Variants in UST observed in about 807,000 individuals in gnomAD.
The protein encoded by UST is chondroitin sulfate 2-O-sulfotransferase.
UST carries 21 observed loss-of-function variants against 45.6 expected under a neutral mutation model. The ratio of observed to expected loss-of-function variants is 0.46; its 90% CI spans 0.33 to 0.66. UST has a LOEUF of 0.66. UST is among the 30% of genes least tolerant of loss of function. UST has a pLI of 0.02. For synonymous variants in UST, 215 were observed against 200.6 expected (o/e 1.07, Z -0.61); for missense variants, 463 against 512.4 (o/e 0.90, Z 0.93).
At chr6:149,052,937 G>A (rs545791188) in intron 7 of UST, among the ~76,000 whole-genome samples, 47 of 152,200 alleles carry the variant, frequency 3.1e-4, no homozygotes, top group Non-Finnish European at 5.3e-4. Flanking sequence ...TTAATGAATC[G>A]GAGAGTGGAA....
intron 1 of UST, among the ~76,000 whole-genome samples, chr6:148,777,401 T>C (rs964390733): frequency 6.6e-6 from 1 of 152,252 alleles, no homozygotes. Flanking sequence ...AGATTCGTTT[T>C]GCTAAAGCAC....
In UST at chr6:148,863,431, G is replaced by C. The variant is rs572897352; in HGVS notation, c.248-23555G>C. Among the ~76,000 whole-genome samples the C allele has an allele frequency of 4.6e-5, 7 of 152,110 alleles. No individual in the cohort carries two copies. In the East Asian group the frequency reaches 1.3e-3, roughly 29 times the overall value. On this transcript the variant is annotated intron_variant, in intron 1 of 7. Transcript: ENST00000367463. ...TTTTCAAGGTTTTTAGCTTCTTTGC[G>C]ATGGGTTCGAGCATCCTCCTTTAGC... is the stretch of plus-strand genomic sequence containing the variant.
chr6:148,836,490 T>G (rs1777787132), intron 1 of UST, among the ~76,000 whole-genome samples: 2 of 152,212 alleles, frequency 1.3e-5, no homozygotes, highest in Admixed American at 1.3e-4. Context: ...TTGAACTGAT[T>G]CCAGCGTTCA....
At chr6:148,973,125 A>C (rs1780951971) in intron 5 of UST, among the ~76,000 whole-genome samples, 1 of 152,206 alleles carries the variant, frequency 6.6e-6, no homozygotes, top group South Asian at 2.1e-4. Flanking sequence ...GCATATGCAA[A>C]TAAATGTCAT....
intron 1 of UST, among the ~76,000 whole-genome samples, chr6:148,839,400 C>T (rs1026540552): frequency 6.6e-5 from 10 of 152,178 alleles, no homozygotes; most frequent in African/African-American, 2.4e-4. Context: ...TAAAGCCAAC[C>T]TCTCTGCTCA....
At chr6:148,749,151 G>A (rs1775942069) in intron 1 of UST, among the ~76,000 whole-genome samples, 2 of 152,180 alleles carry the variant, frequency 1.3e-5, no homozygotes, top group South Asian at 4.1e-4. Context: ...GATTTCCATA[G>A]CATTTGGTTT....
intron 1 of UST, among the ~76,000 whole-genome samples, chr6:148,799,455 G>A (rs943766381): frequency 1.3e-5 from 2 of 152,182 alleles, no homozygotes; most frequent in South Asian, 2.1e-4. Context: ...CTAGCTGGAA[G>A]CATTGATAAG....
chr6:148,859,502 A>T (rs1169082953), intron 1 of UST, among the ~76,000 whole-genome samples: 1 of 151,974 alleles, frequency 6.6e-6, no homozygotes, highest in Non-Finnish European at 1.5e-5. Context: ...GTTTAATTAG[A>T]TCCCATTTGT....
chr6:148,882,478 C>T (rs1308387517), intron 1 of UST, among the ~76,000 whole-genome samples: 1 of 100,520 alleles, frequency 9.9e-6, no homozygotes, highest in African/African-American at 4.2e-5. Flanking sequence ...AAGAGCAAAA[C>T]TCCATCTCAA....
intron 1 of UST, among the ~76,000 whole-genome samples, chr6:148,797,001 C>T (rs1380845092): frequency 6.6e-6 from 1 of 151,986 alleles, no homozygotes; most frequent in Non-Finnish European, 1.5e-5. Context: ...CGGGGTTTCA[C>T]CATCTTGGCT....
intron 2 of UST, among the ~76,000 whole-genome samples, chr6:148,912,704 G>A (rs1779499525): frequency 6.6e-6 from 1 of 152,218 alleles, no homozygotes; most frequent in African/African-American, 2.4e-5. Flanking sequence ...TTCCCAAGAG[G>A]ATGTGTTTTA....
intron 1 of UST, among the ~76,000 whole-genome samples, chr6:148,837,383 T>C (rs1260806572): frequency 6.6e-6 from 1 of 152,200 alleles, no homozygotes; most frequent in African/African-American, 2.4e-5. Context: ...AGGTTTGTTC[T>C]AAAAACCAGA....
intron 2 of UST, among the ~76,000 whole-genome samples, chr6:148,889,624 T>G (rs1254065916): frequency 6.6e-6 from 1 of 152,156 alleles, no homozygotes; most frequent in Non-Finnish European, 1.5e-5. Context: ...CTCAATGGCT[T>G]TTTGTTCCTG....
chr6:148,932,188 T>C (rs1023694184), intron 2 of UST, among the ~76,000 whole-genome samples: 2 of 152,162 alleles, frequency 1.3e-5, no homozygotes, highest in Non-Finnish European at 2.9e-5. Flanking sequence ...GAGACCAGCC[T>C]GGCCAACAGG....
chr6:148,928,897 G>A (rs867037264), intron 2 of UST, among the ~76,000 whole-genome samples: 1 of 152,188 alleles, frequency 6.6e-6, no homozygotes, highest in South Asian at 2.1e-4. Flanking sequence ...ATTTCAGTGT[G>A]GGAAGCAATG....
At chr6:148,861,116 C>T (rs183052984) in intron 1 of UST, among the ~76,000 whole-genome samples, 1 of 152,138 alleles carries the variant, frequency 6.6e-6, no homozygotes, top group African/African-American at 2.4e-5. Context: ...GACGTGAATT[C>T]GTCTGGTCCT....
chr6:148,883,554 T>C (rs1423881184), intron 1 of UST, among the ~76,000 whole-genome samples: 2 of 152,206 alleles, frequency 1.3e-5, no homozygotes, highest in African/African-American at 4.8e-5. Context: ...ATTTAACTTT[T>C]ATCAAGGGCT....
chr6:148,948,669 A>T (rs2114932651), intron 3 of UST, among the ~76,000 whole-genome samples: 1 of 152,246 alleles, frequency 6.6e-6, no homozygotes, highest in South Asian at 2.1e-4. Context: ...TTTTTGTATT[A>T]TTTCATAATG....
chr6:149,019,362 T>C, intron 6 of UST, 126 bp downstream of exon 6: 1 of 697,878 alleles, frequency 1.4e-6, no homozygotes, highest in South Asian at 1.7e-5. Context: ...TCAGTTCCTG[T>C]TTACTATTAA....
Sources: allele counts gnomAD v4.1 joint callset (sites outside exome capture counted in the v4.1 genomes callset), GRCh38; gene constraint gnomAD v4.1.1; transcripts MANE v1.5; gene names NCBI Gene and HGNC (gene_info 2026-07-23, HGNC 2026-07-21).